The following PTPRD variants were observed in gnomAD, a reference collection of about 807,000 sequenced individuals.
PTPRD encodes the protein receptor-type tyrosine-protein phosphatase delta.
Under a neutral mutation model 214.5 loss-of-function variants are expected in PTPRD, and 34 were observed. The ratio of observed to expected loss-of-function variants is 0.16; its 90% CI spans 0.12 to 0.21. The LOEUF (loss-of-function observed/expected upper bound fraction) is 0.21, where lower values mean the gene tolerates loss of function less well. Ranked by LOEUF, PTPRD falls within the 10% of genes least tolerant of loss-of-function variation. The pLI, the probability that PTPRD is intolerant of heterozygous loss-of-function variation, is 1.00. For missense variants in PTPRD, 2,545 were observed against 2,398.7 expected, an observed-to-expected ratio of 1.06 and a Z score of -1.27; for synonymous variants, 1,128 against 845.7, an observed-to-expected ratio of 1.33 and a Z score of -5.79.
chr9:8,642,637 T>C (rs77527352), intron 12 of PTPRD, among the ~76,000 whole-genome samples: 4,686 of 151,942 alleles, frequency 0.031, 255 homozygotes, highest in African/African-American at 0.11. Context: ...TGGTGGGAAA[T>C]GCAGTGCATA....
intron 39 of PTPRD, among the ~76,000 whole-genome samples, chr9:8,375,279 C>G (rs751782750): frequency 2.0e-5 from 3 of 151,906 alleles, no homozygotes; most frequent in Non-Finnish European, 4.4e-5. Context: ...ATATCGCAAT[C>G]TGAGTGGTGA....
Position 8,513,192 on chromosome 9 carries a change from T to TC in PTPRD, c.1543+4655dup, listed in dbSNP as rs1305682207. ...AATAATCATCTCAATGAAAGTCTTT[T>TC]CATATTTAAAACCATTTAAAGATTA... On this transcript the variant is annotated intron_variant, in intron 21 of 45. Coordinates refer to ENST00000381196, the MANE Select transcript of PTPRD (RefSeq NM_002839.4). 6.6e-5 allele frequency among the ~76,000 whole-genome samples: 10 copies of TC among 152,166 alleles called. No individual in the cohort carries two copies. The East Asian group carries it at 1.9e-3, about 29-fold the overall frequency.
At chr9:8,557,756 A>G (rs1051081871) in intron 14 of PTPRD, among the ~76,000 whole-genome samples, 1 of 133,914 alleles carries the variant, frequency 7.5e-6, no homozygotes, top group South Asian at 2.2e-4. Flanking sequence ...AAAAAAAAAA[A>G]AAAAAAAAAA....
intron 8 of PTPRD, among the ~76,000 whole-genome samples, chr9:9,415,962 G>C (rs1427294791): frequency 1.3e-5 from 2 of 152,114 alleles, no homozygotes. Flanking sequence ...GTAACAGTGA[G>C]TAATGTCTAA....
intron 9 of PTPRD, among the ~76,000 whole-genome samples, chr9:9,314,476 C>T (rs747016657): frequency 9.2e-5 from 14 of 152,114 alleles, no homozygotes; most frequent in African/African-American, 2.6e-4. Context: ...GTTGTTGTTG[C>T]AGTTTTTGGT....
At chr9:8,741,897 C>G (rs1166438527) in intron 11 of PTPRD, among the ~76,000 whole-genome samples, 3 of 151,872 alleles carry the variant, frequency 2.0e-5, no homozygotes, top group African/African-American at 7.3e-5. Flanking sequence ...CCGGGCATTT[C>G]TTTTTTTATG....
At chr9:9,947,339 T>G (rs1164633104) in intron 4 of PTPRD, among the ~76,000 whole-genome samples, 1 of 55,446 alleles carries the variant, frequency 1.8e-5, no homozygotes, top group South Asian at 5.4e-4. Context: ...ATATGTATTA[T>G]ATATATAATA....
At chr9:10,018,538 CTTTTTTTTTTTTTT>C (rs71321214) in intron 4 of PTPRD, among the ~76,000 whole-genome samples, 2 of 71,094 alleles carry the variant, frequency 2.8e-5, no homozygotes, top group Non-Finnish European at 2.7e-5. Context: ...AATTACATTT[CTTTTTTTTTTTTTT>C]TTTTTTTTTT....
intron 3 of PTPRD, among the ~76,000 whole-genome samples, chr9:10,320,367 C>G (rs755012015): frequency 2.6e-5 from 4 of 151,922 alleles, no homozygotes; most frequent in Non-Finnish European, 5.9e-5. Context: ...TCACACTAAC[C>G]TTTATTAATA....
intron 10 of PTPRD, among the ~76,000 whole-genome samples, chr9:9,026,314 A>C (rs972340086): frequency 1.3e-5 from 2 of 152,140 alleles, no homozygotes; most frequent in East Asian, 3.9e-4. Flanking sequence ...AGGCATGAAA[A>C]GCCTGGTTTA....
At chr9:9,513,273 G>A (rs1380092768) in intron 8 of PTPRD, among the ~76,000 whole-genome samples, 1 of 151,904 alleles carries the variant, frequency 6.6e-6, no homozygotes. Flanking sequence ...GTGCTAAAAT[G>A]TCTCACACAG....
intron 2 of PTPRD, among the ~76,000 whole-genome samples, chr9:10,457,416 T>C (rs889013793): frequency 4.6e-5 from 7 of 152,050 alleles, no homozygotes; most frequent in Admixed American, 1.3e-4. Context: ...AGTCATCATA[T>C]AGTCTATAAA....
intron 10 of PTPRD, among the ~76,000 whole-genome samples, chr9:9,171,715 T>A (rs10977546): frequency 6.6e-6 from 1 of 151,870 alleles, no homozygotes; most frequent in African/African-American, 2.4e-5. Context: ...TGGCACTAGG[T>A]TTAATATTAT....
chr9:9,918,499 A>G (rs2081602911), intron 5 of PTPRD, among the ~76,000 whole-genome samples: 1 of 152,106 alleles, frequency 6.6e-6, no homozygotes, highest in Non-Finnish European at 1.5e-5. Context: ...ATCTGATTCG[A>G]TTAAATCTCT....
chr9:9,998,096 C>T (rs1194747753), intron 4 of PTPRD, among the ~76,000 whole-genome samples: 7 of 122,786 alleles, frequency 5.7e-5, no homozygotes, highest in African/African-American at 2.7e-4. Context: ...GCACATGTAC[C>T]CTAGAACTTA....
intron 10 of PTPRD, among the ~76,000 whole-genome samples, chr9:9,034,535 T>G (rs1171012096): frequency 6.6e-6 from 1 of 152,172 alleles, no homozygotes; most frequent in East Asian, 1.9e-4. Context: ...GGAATAATTC[T>G]TATTTGAGGT....
In PTPRD at chr9:9,289,006, C is replaced by A. The variant is rs142399106; in HGVS notation, c.-202-105643G>T. Reference sequence around the variant, plus strand: ...CCTGCCGAACTGTGAGTCAACTAAACCTCTTTTCTTTATAAATTATCCAGT... The same window carrying A: ...CCTGCCGAACTGTGAGTCAACTAAAACTCTTTTCTTTATAAATTATCCAGT... On this transcript the variant is annotated intron_variant, in intron 9 of 45. Coordinates refer to ENST00000381196, the MANE Select transcript of PTPRD (RefSeq NM_002839.4). Among the ~76,000 whole-genome samples, 323 of 151,918 alleles carry A rather than the reference C, an allele frequency of 2.1e-3. 2 individuals are homozygous for A. Among genetic ancestry groups the A allele is most frequent in the African/African-American group, 7.3e-3 (303 of 41,486 alleles).
At chr9:9,446,445 T>C (rs1003123296) in intron 8 of PTPRD, among the ~76,000 whole-genome samples, 2 of 152,172 alleles carry the variant, frequency 1.3e-5, no homozygotes, top group Non-Finnish European at 2.9e-5. Flanking sequence ...GTATCCAAAC[T>C]GCTTCACACC....
At chr9:10,566,522 T>A (rs1044619872) in intron 2 of PTPRD, among the ~76,000 whole-genome samples, 1 of 152,052 alleles carries the variant, frequency 6.6e-6, no homozygotes, top group Non-Finnish European at 1.5e-5. Context: ...ATTTCCTCTT[T>A]GTGAAATGCC....
Sources: gnomAD v4.1 joint callset for allele counts (sites outside exome capture counted in the v4.1 genomes callset) on GRCh38, gnomAD v4.1.1 for gene constraint, MANE v1.5 for transcripts, NCBI Gene and HGNC (gene_info 2026-07-23, HGNC 2026-07-21) for gene names.